ADAM23: variants seen among roughly 807,000 people sequenced by gnomAD.
ADAM23 encodes ADAM metallopeptidase domain 23.
In ADAM23, 33 loss-of-function variants were observed where a neutral mutation model predicts 120.1. The observed-to-expected ratio is 0.27, with a 90% CI of 0.21 to 0.37. ADAM23 has a LOEUF of 0.37. Among genes scored for constraint, ADAM23 ranks in the 10% least tolerant of loss-of-function variants. The pLI, the probability that ADAM23 is intolerant of heterozygous loss-of-function variation, is 1.00. For missense variants in ADAM23, 862 were observed against 1,058.2 expected, an observed-to-expected ratio of 0.81 and a Z score of 2.57; for synonymous variants, 367 against 375.2, an observed-to-expected ratio of 0.98 and a Z score of 0.25.
At chr2:206,571,406 C>G (rs952703701) in intron 16 of ADAM23, among the ~76,000 whole-genome samples, 1 of 151,854 alleles carries the variant, frequency 6.6e-6, no homozygotes, top group Admixed American at 6.6e-5. Flanking sequence ...ACCCGGGAGG[C>G]GGAGGTTGCA....
At chr2:206,471,382 G>C (rs1409077642) in intron 2 of ADAM23, among the ~76,000 whole-genome samples, 5 of 152,134 alleles carry the variant, frequency 3.3e-5, no homozygotes, top group Admixed American at 6.5e-5. Flanking sequence ...TATTTGCATT[G>C]ACATGAGTCC....
At chr2:206,524,580 G>T (rs1382434084) in intron 3 of ADAM23, among the ~76,000 whole-genome samples, 1 of 152,238 alleles carries the variant, frequency 6.6e-6, no homozygotes, top group African/African-American at 2.4e-5. Flanking sequence ...GTTCCACCTG[G>T]CTAGGGAGGC....
In ADAM23 at chr2:206,620,591, G is replaced by C. The variant is rs1478082674; in HGVS notation, c.*2964G>C. The C allele has an allele frequency of 1.3e-5, 2 of 152,194 alleles. No individual in the cohort carries two copies. The highest frequency in any genetic ancestry group is 2.1e-4 in the South Asian group (1 of 4,824). The allele number at this position is 152,194 out of a possible 1,614,324, so 9.4% of individuals were successfully genotyped here. The stretch of plus-strand genomic sequence containing the variant: ...ATCACTGTTTAATGTTACCCAACAA[G>C]AGTTAGTGTTAAGTGATGATCAAGT... On this transcript the variant is annotated 3_prime_UTR_variant, in exon 26 of 26. Coordinates refer to ENST00000264377, the MANE Select transcript of ADAM23 (RefSeq NM_003812.4).
rs903018576 is a variant in ADAM23, at chr2:206,605,911, C to T, written c.2360-3999C>T. 3 of 640,902 alleles carry T rather than the reference C, an allele frequency of 4.7e-6. No homozygotes were observed. The African/African-American group carries it at 5.6e-5, about 12-fold the overall frequency. The allele number at this position is 640,902 out of a possible 1,614,324, so 39.7% of individuals were successfully genotyped here. ...CATCCTTGCCAGTTTCAGAGTGTTT[C>T]TGTGTGGTGCCTGATGTGTGAGGCG... On this transcript the variant is annotated intron_variant, in intron 24 of 25. Coordinates refer to ENST00000264377, the MANE Select transcript of ADAM23 (RefSeq NM_003812.4).
chr2:206,447,389 A>G (rs1695103027), intron 2 of ADAM23, among the ~76,000 whole-genome samples: 1 of 152,222 alleles, frequency 6.6e-6, no homozygotes, highest in Non-Finnish European at 1.5e-5. Context: ...TAAGTATTCA[A>G]AGATAAGAGA....
intron 3 of ADAM23, among the ~76,000 whole-genome samples, chr2:206,502,384 GT>G (rs1239025984): frequency 6.6e-6 from 1 of 151,846 alleles, no homozygotes; most frequent in Non-Finnish European, 1.5e-5. Context: ...TTTTTTGTTT[GT>G]TTTTTTGGTT....
In ADAM23 at chr2:206,492,494, T is replaced by A. The variant is rs79514482; in HGVS notation, c.509+11186T>A. The stretch of plus-strand genomic sequence containing the variant: ...GCTGCTATAACAAAATGCCATGGAC[T>A]GGGCAATATTTATATATTGTTTATA... On this transcript the variant is annotated intron_variant, in intron 3 of 25. Transcript: ENST00000264377. Among the ~76,000 whole-genome samples, 624 of 152,316 alleles carry A rather than the reference T, an allele frequency of 4.1e-3. 6 individuals carry two copies. Among genetic ancestry groups the A allele is most frequent in the African/African-American group, 0.014 (590 of 41,568 alleles).
At chr2:206,604,599 AATG>A (rs1441877056) in intron 24 of ADAM23, among the ~76,000 whole-genome samples, 1 of 152,190 alleles carries the variant, frequency 6.6e-6, no homozygotes, top group East Asian at 1.9e-4. Context: ...GTGCTTAGTC[AATG>A]ATAAAACTAG....
rs1371997245 is a variant in ADAM23, at chr2:206,530,979, G to A, written c.573+31G>A. 3.8e-6 allele frequency: 6 copies of A among 1,589,276 alleles called. No individual in the cohort carries two copies. The African/African-American group carries it at 5.4e-5, about 14-fold the overall frequency. The stretch of plus-strand genomic sequence containing the variant: ...GTTACCGGCGTCGGCAAGTACTCTA[G>A]TATAAGTGTGCTTATCATAGAGTTG... On this transcript the variant is annotated intron_variant, in intron 4 of 25. Coordinates refer to ENST00000264377, the MANE Select transcript of ADAM23 (RefSeq NM_003812.4).
intron 25 of ADAM23, among the ~76,000 whole-genome samples, chr2:206,614,354 C>T (rs1698892444): frequency 6.6e-6 from 1 of 152,162 alleles, no homozygotes; most frequent in South Asian, 2.1e-4. Context: ...TATATCTAGA[C>T]TATTACCAGC....
At chr2:206,458,391 G>A (rs1695343868) in intron 2 of ADAM23, among the ~76,000 whole-genome samples, 1 of 152,214 alleles carries the variant, frequency 6.6e-6, no homozygotes, top group Non-Finnish European at 1.5e-5. Context: ...GTTGTGGCGA[G>A]GGGTGATTCT....
At chr2:206,530,669 C>CTTTTTTTTTTT (rs56206262) in intron 3 of ADAM23, among the ~76,000 whole-genome samples, 18 of 74,808 alleles carry the variant, frequency 2.4e-4, no homozygotes, top group East Asian at 1.3e-3. Flanking sequence ...TGTGTCTTGT[C>CTTTTTTTTTTT]TTTTTTTTTT....
chr2:206,602,619 G>A (rs1698661034), intron 24 of ADAM23, among the ~76,000 whole-genome samples: 1 of 152,022 alleles, frequency 6.6e-6, no homozygotes, highest in Admixed American at 6.5e-5. Flanking sequence ...GGAATCACTT[G>A]GGGGAAATAA....
chr2:206,616,705 T>C (rs545739775), intron 25 of ADAM23, among the ~76,000 whole-genome samples: 1 of 152,184 alleles, frequency 6.6e-6, no homozygotes, highest in East Asian at 1.9e-4. Flanking sequence ...GTCTCCAGTT[T>C]TGCATGATGC....
At chr2:206,512,301 C>A (rs1696639177) in intron 3 of ADAM23, among the ~76,000 whole-genome samples, 1 of 152,122 alleles carries the variant, frequency 6.6e-6, no homozygotes, top group Non-Finnish European at 1.5e-5. Context: ...TAAGAATGAT[C>A]AGGCATGAGA....
At chr2:206,543,765 A>G (rs1249949961) in intron 6 of ADAM23, among the ~76,000 whole-genome samples, 5 of 152,146 alleles carry the variant, frequency 3.3e-5, no homozygotes, top group East Asian at 1.9e-4. Context: ...ACACACACAC[A>G]CACACGCACA....
intron 2 of ADAM23, among the ~76,000 whole-genome samples, chr2:206,465,580 G>C (rs1170926270): frequency 6.6e-6 from 1 of 152,106 alleles, no homozygotes; most frequent in Non-Finnish European, 1.5e-5. Context: ...ATAGCATTAT[G>C]TTTTCTCTAA....
chr2:206,510,379 A>T (rs1291446081), intron 3 of ADAM23, among the ~76,000 whole-genome samples: 1 of 152,238 alleles, frequency 6.6e-6, no homozygotes, highest in Non-Finnish European at 1.5e-5. Context: ...GAAATGCCTC[A>T]GATTGTATAT....
intron 16 of ADAM23, among the ~76,000 whole-genome samples, chr2:206,571,411 G>A (rs1697996563): frequency 6.6e-6 from 1 of 152,114 alleles, no homozygotes; most frequent in African/African-American, 2.4e-5. Flanking sequence ...GGAGGCGGAG[G>A]TTGCAGTGAG....
Sources: allele counts gnomAD v4.1 joint callset (sites outside exome capture counted in the v4.1 genomes callset), GRCh38; gene constraint gnomAD v4.1.1; transcripts MANE v1.5; gene names NCBI Gene and HGNC (gene_info 2026-07-23, HGNC 2026-07-21).